The following BHMT2 variants were observed in gnomAD, a reference collection of about 807,000 sequenced individuals.
BHMT2 encodes S-methylmethionine--homocysteine S-methyltransferase BHMT2.
A neutral mutation model predicts 39.0 loss-of-function variants in BHMT2; 28 were observed. The ratio of observed to expected loss-of-function variants is 0.72; its 90% CI spans 0.53 to 0.98. The LOEUF (loss-of-function observed/expected upper bound fraction) is 0.98, where lower values mean the gene tolerates loss of function less well. BHMT2 is among the 50% of genes least tolerant of loss of function. The pLI is 0.00. For synonymous variants in BHMT2, 145 were observed against 160.6 expected (o/e 0.90, Z 0.74); for missense variants, 410 against 455.6 (o/e 0.90, Z 0.91).
At chr5:79,077,841 G>A (rs684277) in intron 2 of BHMT2, 205,993 of 370,134 alleles carry the variant, frequency 0.56, 60,071 homozygotes, top group Non-Finnish European at 0.61. Flanking sequence ...CCATCCACAC[G>A]CCCACACACA....
chr5:79,079,478 G>A lies in BHMT2; in HGVS notation c.258+18G>A. 1.9e-6 allele frequency: 3 copies of A among 1,573,532 alleles called. No homozygotes were observed. The highest frequency in any genetic ancestry group is 2.6e-6 in the Non-Finnish European group (3 of 1,144,962). ...AAAGCAAGGTAAACGGCAATGGCTG[G>A]GTGTGGGGGAGGGAGTCATCTATTA... On this transcript the variant is annotated intron_variant, in intron 3 of 7. Coordinates refer to ENST00000255192, the MANE Select transcript of BHMT2 (RefSeq NM_017614.5).
chr5:79,081,866 G>C (rs1232342458), intron 4 of BHMT2, among the ~76,000 whole-genome samples: 1 of 151,336 alleles, frequency 6.6e-6, no homozygotes, highest in Non-Finnish European at 1.5e-5. Flanking sequence ...TGTCTCAAAA[G>C]AGAGAGAGAG....
chr5:79,088,401 T>TATATAC, intron 7 of BHMT2, 92 bp from the exon 8 acceptor site: 1 of 776,562 alleles, frequency 1.3e-6, no homozygotes, highest in South Asian at 1.7e-5. Flanking sequence ...TGTGTGTGGT[T>TATATAC]ATATACATAT....
At position 79,082,925 on chromosome 5, in the gene BHMT2, C is replaced by T. The variant is rs768858576; in HGVS notation, c.567C>T (p.Pro189=). The change falls in exon 5 of 8, where the codon CCC becomes CCT. Residue 189 remains proline (P), a synonymous_variant. Coordinates refer to ENST00000255192, the MANE Select transcript of BHMT2 (RefSeq NM_017614.5). ...AGGGAGACATGCATGATATAACCCC[C>T]GGAGAATGTGCTGTGAGGCTGGTGA... The part of the protein sequence containing the change: ...GPEGDMHDIT[P]GECAVRLVKA... 3.4e-4 allele frequency: 545 copies of T among 1,614,002 alleles called. 1 individual carries two copies. The highest frequency in any genetic ancestry group is 1.2e-4 in the Non-Finnish European group (136 of 1,180,036).
chr5:79,088,212 G>A (rs573483447), intron 7 of BHMT2, among the ~76,000 whole-genome samples: 1 of 152,220 alleles, frequency 6.6e-6, no homozygotes, highest in African/African-American at 2.4e-5. Context: ...GAAATACGTT[G>A]TCTTTTTCTG....
intron 3 of BHMT2, among the ~76,000 whole-genome samples, chr5:79,080,435 T>C (rs1338095682): frequency 6.6e-6 from 1 of 152,214 alleles, no homozygotes; most frequent in Non-Finnish European, 1.5e-5. Flanking sequence ...GCATAGACCC[T>C]ATCTGGAGGT....
chr5:79,077,513 G>A lies in BHMT2; in HGVS notation c.67G>A (p.Val23Met). 6.2e-7 allele frequency: 1 copy of A among 1,613,872 alleles called. No homozygotes were observed. The highest frequency in any genetic ancestry group is 8.5e-7 in the Non-Finnish European group (1 of 1,179,966). ...ILERLESGEV[V>M]IGDGSFLITL... ...GGAGCGCCTGGAGAGTGGGGAGGTT[G>A]TGATTGGAGATGGCAGCTTTCTCAT... The change falls in exon 2 of 8, where the codon GTG becomes ATG. Residue 23 changes from valine to methionine, a missense_variant. Physicochemically the swap from Val to Met is conservative, Grantham distance 21. Transcript: ENST00000255192.
At chr5:79,077,786 C>CCT (rs908156699) in intron 2 of BHMT2, 174 bp downstream of exon 2, 28 of 680,530 alleles carry the variant, frequency 4.1e-5, no homozygotes, top group African/African-American at 1.5e-4. Context: ...AAGAAAATGA[C>CCT]CTCTCTCTCT....
intron 2 of BHMT2, 79 bp from the exon 3 acceptor site, chr5:79,079,290 T>C (rs767572704): frequency 1.9e-6 from 2 of 1,070,026 alleles, no homozygotes; most frequent in South Asian, 2.8e-5. Context: ...AGTGAGCTAC[T>C]GCTGCTTTTG....
At chr5:79,086,020 C>T (rs919667949) in intron 7 of BHMT2, among the ~76,000 whole-genome samples, 2 of 152,168 alleles carry the variant, frequency 1.3e-5, no homozygotes, top group African/African-American at 4.8e-5. Flanking sequence ...TGTGAGCACG[C>T]TCATGGGTCT....
chr5:79,088,762 G>A lies in BHMT2; in HGVS notation c.*188G>A, dbSNP rs1755958667. Reference sequence around the variant, plus strand: ...CATATTGAGCTCCTGCTGTGGTTAAGCACTGCAACAGACTCTACCAGAGAT... The same window carrying A: ...CATATTGAGCTCCTGCTGTGGTTAAACACTGCAACAGACTCTACCAGAGAT... On this transcript the variant is annotated 3_prime_UTR_variant, in exon 8 of 8. Transcript: ENST00000255192. 2 of 536,816 alleles carry A rather than the reference G, an allele frequency of 3.7e-6. No individual in the cohort carries two copies. The highest frequency in any genetic ancestry group is 6.8e-6 in the Non-Finnish European group (2 of 292,212). 33.3% of individuals were successfully genotyped at this position (536,816 alleles called of 1,614,324 possible).
At chr5:79,071,543 G>A (rs1221267502) in intron 1 of BHMT2, among the ~76,000 whole-genome samples, 2 of 152,278 alleles carry the variant, frequency 1.3e-5, no homozygotes, top group East Asian at 1.9e-4. Flanking sequence ...TAAATGTACT[G>A]CAAAATTAAT....
intron 2 of BHMT2, 140 bp downstream of exon 2, chr5:79,077,752 CA>C (rs1755699640): frequency 9.7e-7 from 1 of 1,033,192 alleles, no homozygotes; most frequent in South Asian, 1.7e-5. Flanking sequence ...GAGATAATGG[CA>C]GTATACAGGC....
intron 7 of BHMT2, 39 bp from the exon 8 acceptor site, chr5:79,088,454 G>T (rs1238777028): frequency 7.8e-6 from 12 of 1,541,870 alleles, no homozygotes; most frequent in African/African-American, 1.4e-5. Context: ...TTATAGGTAA[G>T]ACTTTTAATT....
rs1334418383 is a variant in BHMT2 at position 79,082,796 on chromosome 5, A to G, written c.451-13A>G. On this transcript the variant is annotated splice_polypyrimidine_tract_variant and intron_variant, in intron 4 of 7. Transcript: ENST00000255192. ...TATGTTTGGACCAGTAGAAAAAGTG[A>G]CATTTCTCTTAGTATTTTGAGCACG... 1.9e-6 allele frequency: 3 copies of G among 1,612,634 alleles called. No homozygotes were observed. Among genetic ancestry groups the G allele is most frequent in the Non-Finnish European group, 2.5e-6 (3 of 1,179,404 alleles).
chr5:79,071,459 A>G (rs1177499767), intron 1 of BHMT2, among the ~76,000 whole-genome samples: 2 of 152,198 alleles, frequency 1.3e-5, no homozygotes, highest in Admixed American at 6.5e-5. Flanking sequence ...GGGGGCATAA[A>G]TGCACCCTAG....
intron 1 of BHMT2, among the ~76,000 whole-genome samples, chr5:79,075,387 C>A (rs914041910): frequency 6.6e-6 from 1 of 152,230 alleles, no homozygotes; most frequent in Non-Finnish European, 1.5e-5. Context: ...ACCCTACACC[C>A]AACACGTAGG....
chr5:79,083,575 A>G (rs1414239036), intron 6 of BHMT2, 53 bp from the exon 7 acceptor site: 35 of 1,595,642 alleles, frequency 2.2e-5, no homozygotes, highest in Non-Finnish European at 3.0e-5. Context: ...TAGAGCATCC[A>G]TCATTTGAAA....
Position 79,069,799 on chromosome 5 carries a change from G to C in BHMT2, c.17G>C (p.Arg6Pro), listed in dbSNP as rs1010004996. Residue 6 changes from arginine (R) to proline (P), a missense_variant, in exon 1 of 8, where the codon CGC (arginine) becomes CCC (proline). Physicochemically the swap from Arg to Pro is moderately radical, Grantham distance 103. Coordinates refer to ENST00000255192, the MANE Select transcript of BHMT2 (RefSeq NM_017614.5). Reference sequence around the variant, plus strand: ...CGCGGCACCATGGCACCTGCTGGACGCCCGGGGGCCAAGAAGGTGAGTTTC... The same window carrying C: ...CGCGGCACCATGGCACCTGCTGGACCCCCGGGGGCCAAGAAGGTGAGTTTC... MAPAG[R>P]PGAKKGILER... 1.3e-5 allele frequency: 19 copies of C among 1,434,208 alleles called. No homozygotes were observed. The highest frequency in any genetic ancestry group is 1.7e-5 in the Non-Finnish European group (18 of 1,087,354). 88.8% of individuals were successfully genotyped at this position (1,434,208 alleles called of 1,614,324 possible).
Sources: gnomAD v4.1 joint callset for allele counts (sites outside exome capture counted in the v4.1 genomes callset) on GRCh38, gnomAD v4.1.1 for gene constraint, MANE v1.5 for transcripts, NCBI Gene and HGNC (gene_info 2026-07-23, HGNC 2026-07-21) for gene names.